The following STPG2 variants were observed in gnomAD, a reference collection of about 807,000 sequenced individuals.
The protein encoded by STPG2 is sperm tail PG-rich repeat containing 2, also known as sperm-tail PG-rich repeat-containing protein 2.
A neutral mutation model predicts 54.2 loss-of-function variants in STPG2; 56 were observed. The observed-to-expected ratio is 1.03, with a 90% CI of 0.83 to 1.29. The LOEUF is 1.29. STPG2 is among the 50% of genes most tolerant of loss of function. The pLI is 0.00. For missense variants in STPG2, 596 were observed against 544.9 expected, an observed-to-expected ratio of 1.09 and a Z score of -0.93; for synonymous variants, 200 against 181.8, an observed-to-expected ratio of 1.10 and a Z score of -0.81.
At chr4:97,891,816 A>G (rs1730783260) in intron 8 of STPG2, among the ~76,000 whole-genome samples, 1 of 152,200 alleles carries the variant, frequency 6.6e-6, no homozygotes, top group African/African-American at 2.4e-5. Context: ...ACTATAATAC[A>G]GCAATATTTC....
chr4:97,714,829 A>G (rs778069242), intron 9 of STPG2, among the ~76,000 whole-genome samples: 4 of 152,180 alleles, frequency 2.6e-5, no homozygotes, highest in Non-Finnish European at 5.9e-5. Flanking sequence ...GTAAAGATAT[A>G]TAAAGGTTAA....
At chr4:97,465,184 C>T (rs1464442635) in intron 4 of STPG2, among the ~76,000 whole-genome samples, 3 of 152,140 alleles carry the variant, frequency 2.0e-5, no homozygotes, top group East Asian at 1.9e-4. Flanking sequence ...GTCAAAATTA[C>T]CATTGTACTT....
At chr4:98,121,986 C>A (rs1475476004) in intron 3 of STPG2, among the ~76,000 whole-genome samples, 1 of 152,142 alleles carries the variant, frequency 6.6e-6, no homozygotes, top group African/African-American at 2.4e-5. Context: ...TCCCAAAGTG[C>A]TGGGACTACA....
intron 7 of STPG2, among the ~76,000 whole-genome samples, chr4:97,946,360 T>C (rs748711007): frequency 6.6e-5 from 10 of 152,268 alleles, no homozygotes; most frequent in Non-Finnish European, 1.3e-4. Flanking sequence ...TTTACTCTGG[T>C]GGTTATTTCT....
intron 9 of STPG2, among the ~76,000 whole-genome samples, chr4:97,800,687 G>A (rs1326313727): frequency 2.0e-5 from 3 of 152,184 alleles, no homozygotes; most frequent in African/African-American, 7.2e-5. Flanking sequence ...CATGCTGGGA[G>A]AACCACTACT....
chr4:98,082,597 G>A (rs901498867), intron 5 of STPG2, among the ~76,000 whole-genome samples: 18 of 148,966 alleles, frequency 1.2e-4, no homozygotes, highest in African/African-American at 3.2e-4. Context: ...GACTACAGGC[G>A]CCCGCCACTA....
chr4:97,822,238 T>C (rs1728116809), intron 9 of STPG2, among the ~76,000 whole-genome samples: 1 of 152,236 alleles, frequency 6.6e-6, no homozygotes. Flanking sequence ...AGACAAGTTA[T>C]TTGCTAAGGC....
At chr4:97,876,328 G>C (rs1730169450) in intron 8 of STPG2, among the ~76,000 whole-genome samples, 1 of 152,062 alleles carries the variant, frequency 6.6e-6, no homozygotes. Context: ...CAAAGGTCTA[G>C]AAAAGGTCTT....
intron 5 of STPG2, among the ~76,000 whole-genome samples, chr4:98,096,558 A>G (rs1738865453): frequency 6.6e-6 from 1 of 152,138 alleles, no homozygotes; most frequent in African/African-American, 2.4e-5. Context: ...TGCATCTTCA[A>G]GAACTAAAAT....
At chr4:97,968,308 C>A (rs1257053840) in intron 7 of STPG2, among the ~76,000 whole-genome samples, 2 of 152,076 alleles carry the variant, frequency 1.3e-5, no homozygotes, top group Non-Finnish European at 2.9e-5. Flanking sequence ...GGCCTACCAA[C>A]CAAAAAATTT....
rs1053626225 is a variant in STPG2 at position 97,444,909 on chromosome 4, C to T, written c.463-257076G>A. On this transcript the variant is annotated intron_variant, in intron 4 of 4. Coordinates refer to the STPG2 transcript ENST00000522676. ...AAAATTAGCCAGGGATGGTAGCAGG[C>T]GCCTGTGGTCCCAGCTACTCAGGAG... Among the ~76,000 whole-genome samples, 10 of 152,076 alleles carry T rather than the reference C, an allele frequency of 6.6e-5. No individual in the cohort carries two copies. In the South Asian group the frequency reaches 8.3e-4, roughly 13 times the overall value.
intron 4 of STPG2, among the ~76,000 whole-genome samples, chr4:97,543,957 A>G (rs1174435049): frequency 1.3e-5 from 2 of 152,228 alleles, no homozygotes; most frequent in East Asian, 1.9e-4. Flanking sequence ...GTATACTTCA[A>G]TGAGAAACAC....
chr4:97,753,660 C>T (rs1725646894), intron 9 of STPG2, among the ~76,000 whole-genome samples: 1 of 152,036 alleles, frequency 6.6e-6, no homozygotes, highest in African/African-American at 2.4e-5. Context: ...AGGGTTTCAA[C>T]TTCTTTACCT....
intron 9 of STPG2, among the ~76,000 whole-genome samples, chr4:97,719,866 T>C (rs1245226356): frequency 6.6e-6 from 1 of 152,028 alleles, no homozygotes; most frequent in Non-Finnish European, 1.5e-5. Context: ...CATTTCTATT[T>C]ATAATATGCA....
At chr4:97,816,757 T>TTTTTC (rs1001461884) in intron 9 of STPG2, among the ~76,000 whole-genome samples, 1 of 151,600 alleles carries the variant, frequency 6.6e-6, no homozygotes, top group South Asian at 2.1e-4. Flanking sequence ...TCTTTCTTTC[T>TTTTTC]TTTTCTTTTC....
rs551869100 is a variant in STPG2 at position 97,538,656 on chromosome 4, G to C, written c.462+174043C>G. Among the ~76,000 whole-genome samples the C allele has an allele frequency of 3.9e-5, 6 of 152,256 alleles. No homozygotes were observed. The South Asian group carries it at 8.3e-4, about 21-fold the overall frequency. ...CAGGAGAACTTCCCCAACCTAGCAA[G>C]GCAGGCCAAAATTCAAATTCAGGAA... On this transcript the variant is annotated intron_variant, in intron 4 of 4. Coordinates refer to the STPG2 transcript ENST00000522676.
At chr4:97,811,813 T>G (rs1308462733) in intron 9 of STPG2, among the ~76,000 whole-genome samples, 1 of 152,132 alleles carries the variant, frequency 6.6e-6, no homozygotes, top group African/African-American at 2.4e-5. Flanking sequence ...TGAATAAGCA[T>G]GCCAGTGTGC....
downstream of STPG2, among the ~76,000 whole-genome samples, chr4:97,557,537 T>A (rs1425875907): frequency 2.0e-5 from 3 of 152,106 alleles, no homozygotes; most frequent in African/African-American, 7.2e-5. Context: ...CATGGCAGGG[T>A]CACATTTCAA....
intron 4 of STPG2, among the ~76,000 whole-genome samples, chr4:97,525,925 G>A (rs1237410132): frequency 6.6e-6 from 1 of 151,720 alleles, no homozygotes. Flanking sequence ...TAAATTCACT[G>A]TTTAAAAATG....
Sources: allele counts gnomAD v4.1 joint callset (sites outside exome capture counted in the v4.1 genomes callset), GRCh38; gene constraint gnomAD v4.1.1; transcripts MANE v1.5; gene names NCBI Gene and HGNC (gene_info 2026-07-23, HGNC 2026-07-21).